Variants in SLC44A5 observed in about 807,000 individuals in gnomAD.
The protein encoded by SLC44A5 is choline transporter-like protein 5.
In SLC44A5, 57 loss-of-function variants were observed where a neutral mutation model predicts 101.8. The observed-to-expected ratio is 0.56, with a 90% CI of 0.45 to 0.70. SLC44A5 has a LOEUF of 0.70. Among genes scored for constraint, SLC44A5 ranks in the 30% least tolerant of loss-of-function variants. SLC44A5 has a pLI of 0.00. For missense variants in SLC44A5, 737 were observed against 853.1 expected, an observed-to-expected ratio of 0.86 and a Z score of 1.70; for synonymous variants, 281 against 290.9, an observed-to-expected ratio of 0.97 and a Z score of 0.35.
chr1:75,314,222 C>T (rs1416499230), intron 4 of SLC44A5, among the ~76,000 whole-genome samples: 1 of 152,168 alleles, frequency 6.6e-6, no homozygotes, highest in Non-Finnish European at 1.5e-5. Context: ...AGCCACTTAA[C>T]AGACTCATGC....
intron 2 of SLC44A5, among the ~76,000 whole-genome samples, chr1:75,492,657 T>G (rs924128709): frequency 6.6e-6 from 1 of 152,138 alleles, no homozygotes; most frequent in Non-Finnish European, 1.5e-5. Context: ...ACTAAGGAAG[T>G]GCCATAAAGG....
the SLC44A5 span, among the ~76,000 whole-genome samples, chr1:75,680,505 A>G: frequency 6.6e-6 from 1 of 150,978 alleles, no homozygotes; most frequent in Admixed American, 6.6e-5. Context: ...CTGCTCCTGA[A>G]TGACTACTGG....
chr1:75,439,377 GTAAC>G (rs1168664100), intron 2 of SLC44A5, among the ~76,000 whole-genome samples: 1 of 152,022 alleles, frequency 6.6e-6, no homozygotes, highest in Non-Finnish European at 1.5e-5. Flanking sequence ...GATTTGAAAA[GTAAC>G]TAACAAAACT....
intron 9 of SLC44A5, among the ~76,000 whole-genome samples, chr1:75,240,472 T>A (rs1216158497): frequency 3.9e-5 from 6 of 152,116 alleles, no homozygotes. Context: ...TTAGCCAAAG[T>A]GTACTTGTAA....
chr1:75,365,041 A>G (rs1299124619), intron 3 of SLC44A5, among the ~76,000 whole-genome samples: 1 of 152,166 alleles, frequency 6.6e-6, no homozygotes, highest in Non-Finnish European at 1.5e-5. Context: ...ACTTTCAAAA[A>G]GTTGCCATTT....
At chr1:75,585,704 C>G (rs1321718073) in intron 1 of SLC44A5, among the ~76,000 whole-genome samples, 3 of 152,098 alleles carry the variant, frequency 2.0e-5, no homozygotes. Context: ...TTATACCCTT[C>G]TTTTTTAACA....
At chr1:75,440,517 AC>A in intron 2 of SLC44A5, among the ~76,000 whole-genome samples, 1 of 152,080 alleles carries the variant, frequency 6.6e-6, no homozygotes, top group Non-Finnish European at 1.5e-5. Flanking sequence ...TACCACTGAG[AC>A]CTTCCAGGTG....
At chr1:75,603,104 A>G (rs1675078395) in intron 1 of SLC44A5, among the ~76,000 whole-genome samples, 1 of 151,960 alleles carries the variant, frequency 6.6e-6, no homozygotes, top group Non-Finnish European at 1.5e-5. Context: ...ATAGTACCCC[A>G]CAGTTCATTT....
At chr1:75,211,873 C>T (rs546437906) in intron 22 of SLC44A5, among the ~76,000 whole-genome samples, 61 of 147,518 alleles carry the variant, frequency 4.1e-4, no homozygotes, top group Admixed American at 1.6e-3. Flanking sequence ...TCCTTCCCTT[C>T]CTCCCTTCCT....
the SLC44A5 span, among the ~76,000 whole-genome samples, chr1:75,676,258 G>A: frequency 6.6e-5 from 10 of 152,138 alleles, no homozygotes; most frequent in Non-Finnish European, 1.3e-4. Flanking sequence ...TATGTTCATT[G>A]CAGCACTATT....
chr1:75,386,291 A>G (rs1661339235), intron 3 of SLC44A5, among the ~76,000 whole-genome samples: 1 of 152,174 alleles, frequency 6.6e-6, no homozygotes, highest in South Asian at 2.1e-4. Context: ...AGATGACATG[A>G]TTGTATATCT....
chr1:75,333,829 G>A (rs1227525609), intron 4 of SLC44A5, among the ~76,000 whole-genome samples: 1 of 152,036 alleles, frequency 6.6e-6, no homozygotes, highest in Admixed American at 6.6e-5. Context: ...CATACTTGAA[G>A]ACATTCCAAG....
chr1:75,526,491 G>A (rs1021577744), intron 2 of SLC44A5, among the ~76,000 whole-genome samples: 1 of 152,088 alleles, frequency 6.6e-6, no homozygotes, highest in Non-Finnish European at 1.5e-5. Flanking sequence ...GAGGCCCTTA[G>A]TGTGGCTGCA....
At chr1:75,684,300 C>T in the SLC44A5 span, among the ~76,000 whole-genome samples, 2 of 152,118 alleles carry the variant, frequency 1.3e-5, no homozygotes, top group African/African-American at 2.4e-5. Flanking sequence ...CATATTATTG[C>T]ATCCTTGGCC....
the SLC44A5 span, among the ~76,000 whole-genome samples, chr1:75,699,930 G>A: frequency 1.3e-5 from 2 of 152,044 alleles, no homozygotes; most frequent in Non-Finnish European, 2.9e-5. Flanking sequence ...TAATGGTAAA[G>A]GGATCAATTC....
At chr1:75,369,067 T>C (rs937680135) in intron 3 of SLC44A5, among the ~76,000 whole-genome samples, 1 of 152,014 alleles carries the variant, frequency 6.6e-6, no homozygotes, top group Non-Finnish European at 1.5e-5. Context: ...GGCTGAAATA[T>C]AGTGCCATAA....
intron 2 of SLC44A5, among the ~76,000 whole-genome samples, chr1:75,410,053 TAA>T: frequency 6.6e-6 from 1 of 152,296 alleles, no homozygotes; most frequent in South Asian, 2.1e-4. Context: ...AATTCAGATA[TAA>T]TGTGTCTTAC....
At chr1:75,432,707 C>T (rs974627026) in intron 2 of SLC44A5, among the ~76,000 whole-genome samples, 1 of 151,966 alleles carries the variant, frequency 6.6e-6, no homozygotes, top group Non-Finnish European at 1.5e-5. Context: ...AGTCTTAGTA[C>T]TGTAGCTCAA....
intron 2 of SLC44A5, among the ~76,000 whole-genome samples, chr1:75,486,697 G>A (rs1337438904): frequency 6.6e-6 from 1 of 152,222 alleles, no homozygotes; most frequent in Non-Finnish European, 1.5e-5. Context: ...CTGAAACCCA[G>A]TGGGGCAGTC....
Sources: gnomAD v4.1 joint callset for allele counts (sites outside exome capture counted in the v4.1 genomes callset) on GRCh38, gnomAD v4.1.1 for gene constraint, MANE v1.5 for transcripts, NCBI Gene and HGNC (gene_info 2026-07-23, HGNC 2026-07-21) for gene names.